USP47: variants seen among roughly 807,000 people sequenced by gnomAD.
USP47 encodes the protein ubiquitin carboxyl-terminal hydrolase 47.
USP47 carries 35 observed loss-of-function variants against 165.1 expected under a neutral mutation model. The ratio of observed to expected loss-of-function variants is 0.21; its 90% CI spans 0.16 to 0.28. The LOEUF (loss-of-function observed/expected upper bound fraction) is 0.28. Among genes scored for constraint, USP47 ranks in the 10% least tolerant of loss-of-function variants. The pLI is 1.00. For missense variants in USP47, 1,277 were observed against 1,607.4 expected, an observed-to-expected ratio of 0.79 and a Z score of 3.52; for synonymous variants, 531 against 544.5, an observed-to-expected ratio of 0.98 and a Z score of 0.35.
At chr11:11,867,199 C>CT (rs1442848570) in intron 1 of USP47, among the ~76,000 whole-genome samples, 1 of 152,130 alleles carries the variant, frequency 6.6e-6, no homozygotes, top group African/African-American at 2.4e-5. Context: ...GCCTGGCCCT[C>CT]TCTGACTACA....
At chr11:11,885,758 C>A (rs569529988) in intron 3 of USP47, among the ~76,000 whole-genome samples, 1 of 152,234 alleles carries the variant, frequency 6.6e-6, no homozygotes, top group Non-Finnish European at 1.5e-5. Context: ...CCCACTTCCA[C>A]AGCACCTCAC....
chr11:11,905,015 A>G (rs971759227), intron 7 of USP47, among the ~76,000 whole-genome samples: 1 of 151,974 alleles, frequency 6.6e-6, no homozygotes, highest in South Asian at 2.1e-4. Flanking sequence ...GCTTAAAGTG[A>G]TAGGTTAGGA....
At position 11,940,644 on chromosome 11, in the gene USP47, C is replaced by T. The variant is rs541083801; in HGVS notation, c.2313+96C>T. On this transcript the variant is annotated intron_variant, in intron 19 of 27. Transcript: ENST00000527733. The stretch of plus-strand genomic sequence containing the variant: ...AAGCCTGGCCTCCACAGCTGTTCAA[C>T]ATCTGTCTGGAACTTAATTTAAAAT... 40 of 1,328,324 alleles carry T rather than the reference C, an allele frequency of 3.0e-5. No homozygotes were observed. The African/African-American group carries it at 5.3e-4, about 18-fold the overall frequency. The allele number at this position is 1,328,324 out of a possible 1,614,324, so 82.3% of individuals were successfully genotyped here. A position where few individuals can be genotyped will look rare whatever the true frequency, so the allele number is the denominator to read the frequency against.
intron 8 of USP47, 148 bp downstream of exon 8, chr11:11,905,696 A>C (rs1002578867): frequency 2.8e-5 from 22 of 773,026 alleles, no homozygotes; most frequent in Middle Eastern, 6.5e-4. Flanking sequence ...AAGATCTAGA[A>C]GATTTTTGAC....
intron 10 of USP47, among the ~76,000 whole-genome samples, chr11:11,921,919 T>C (rs1199473707): frequency 6.6e-6 from 1 of 151,910 alleles, no homozygotes; most frequent in Non-Finnish European, 1.5e-5. Context: ...GAAGACTGTA[T>C]ATTAGATGTA....
intron 1 of USP47, among the ~76,000 whole-genome samples, chr11:11,864,835 G>C (rs1411928366): frequency 6.6e-6 from 1 of 151,786 alleles, no homozygotes; most frequent in Non-Finnish European, 1.5e-5. Context: ...TTTTAGGTTA[G>C]GTCTGCTGGC....
chr11:11,933,881 A>T lies in USP47; in HGVS notation c.1815A>T (p.Lys605Asn). The T allele has an allele frequency of 1.2e-6, 2 of 1,610,234 alleles. No individual in the cohort carries two copies. Among genetic ancestry groups the T allele is most frequent in the Non-Finnish European group, 1.7e-6 (2 of 1,177,490 alleles). ...HPTKQVMMEN[K>N]LEVHKDKTLK... ...CAAAACAAGTAATGATGGAAAATAA[A>T]TTGGAGGTTCATAAGGATAAGACAT... Residue 605 changes from lysine (K) to asparagine (N), a missense_variant, in exon 16 of 28, where the codon AAA becomes AAT. Physicochemically the swap from Lys to Asn is moderately conservative, Grantham distance 94. Transcript: ENST00000527733.
chr11:11,894,410 G>A (rs1224179058), intron 4 of USP47, among the ~76,000 whole-genome samples: 1 of 152,054 alleles, frequency 6.6e-6, no homozygotes, highest in Non-Finnish European at 1.5e-5. Flanking sequence ...CCGAAATTGA[G>A]CCACTGCACT....
At chr11:11,940,177 A>C (rs1159398067) in intron 18 of USP47, among the ~76,000 whole-genome samples, 1 of 152,020 alleles carries the variant, frequency 6.6e-6, no homozygotes, top group Non-Finnish European at 1.5e-5. Flanking sequence ...TCTAGGAAAA[A>C]ATCCTTACCT....
chr11:11,931,694 G>A (rs1440888960), intron 14 of USP47, among the ~76,000 whole-genome samples: 2 of 152,078 alleles, frequency 1.3e-5, no homozygotes, highest in African/African-American at 2.4e-5. Context: ...TTAAATTAGA[G>A]TTCTTTCCTA....
rs1848150559 is a variant in USP47 at position 11,842,071 on chromosome 11, TGGAGCGCAGGCGGC to T, written c.-110_-97del. 7.5e-7 allele frequency: 1 copy of T among 1,339,902 alleles called. No individual in the cohort carries two copies. Among genetic ancestry groups the T allele is most frequent in the East Asian group, 2.6e-5 (1 of 39,164 alleles). 83.0% of individuals were successfully genotyped at this position (1,339,902 alleles called of 1,614,324 possible). A position where few individuals can be genotyped will look rare whatever the true frequency, so the allele number is the denominator to read the frequency against. On this transcript the variant is annotated 5_prime_UTR_variant, in exon 1 of 28. Transcript: ENST00000527733. ...CCCAGGCTGAGGCCTCCGCTATTGCTGGAGCGCAGGCGGCGGAGAGGATGACTGCCGCTGCCATT... is the reference window on the plus strand; with the variant it reads ...CCCAGGCTGAGGCCTCCGCTATTGCTGGAGAGGATGACTGCCGCTGCCATT...
chr11:11,909,375 C>T (rs1411253662), intron 8 of USP47, among the ~76,000 whole-genome samples: 2 of 152,038 alleles, frequency 1.3e-5, no homozygotes, highest in African/African-American at 4.8e-5. Context: ...TTGCCAACCC[C>T]ATGTGAGAAT....
At chr11:11,906,476 A>G (rs900459463) in intron 8 of USP47, among the ~76,000 whole-genome samples, 4 of 152,154 alleles carry the variant, frequency 2.6e-5, no homozygotes, top group Non-Finnish European at 4.4e-5. Flanking sequence ...TCTGGCCTCT[A>G]GGATGATTGA....
Position 11,917,472 on chromosome 11 carries a change from C to G in USP47, c.970-2684C>G, listed in dbSNP as rs192352316. ...AAATACAAGGGTGGGAACACGGGAA[C>G]AGCAGAGTAGTATGTAATGTTACAT... On this transcript the variant is annotated intron_variant, in intron 8 of 27. Coordinates refer to ENST00000527733, the MANE Select transcript of USP47 (RefSeq NM_001282659.2). Among the ~76,000 whole-genome samples the G allele has an allele frequency of 1.5e-3, 232 of 152,148 alleles. 1 individual carries two copies. The highest frequency in any genetic ancestry group is 4.5e-3 in the African/African-American group (185 of 41,526).
At chr11:11,906,074 C>A (rs535611941) in intron 8 of USP47, among the ~76,000 whole-genome samples, 12 of 152,108 alleles carry the variant, frequency 7.9e-5, no homozygotes, top group African/African-American at 2.9e-4. Flanking sequence ...ACTGTAATCA[C>A]CTTAATTATT....
chr11:11,959,422 G>C lies in USP47; in HGVS notation c.*3247G>C, dbSNP rs969922176. On this transcript the variant is annotated 3_prime_UTR_variant, in exon 28 of 28. Transcript: ENST00000527733. ...TCCTGAAAGGCAAAACTCTGTGTAT[G>C]TGCGATTTACCAGGGAGATAGTAGG... is the stretch of plus-strand genomic sequence containing the variant. 1 of 152,170 alleles carries C rather than the reference G, an allele frequency of 6.6e-6. No individual in the cohort carries two copies. Among genetic ancestry groups the C allele is most frequent in the African/African-American group, 2.4e-5 (1 of 41,450 alleles). 9.4% of individuals were successfully genotyped at this position (152,170 alleles called of 1,614,324 possible).
At chr11:11,889,493 G>A (rs117405724) in intron 3 of USP47, among the ~76,000 whole-genome samples, 5 of 152,066 alleles carry the variant, frequency 3.3e-5, no homozygotes, top group African/African-American at 1.2e-4. Flanking sequence ...CAGGAATACA[G>A]CTAACAAGGA....
In USP47 at chr11:11,956,272, T is replaced by TTACCCC; in HGVS notation, c.*97_*98insTACCCC. The TTACCCC allele has an allele frequency of 7.2e-7, 1 of 1,386,224 alleles. No homozygotes were observed. Among genetic ancestry groups the TTACCCC allele is most frequent in the Non-Finnish European group, 1.0e-6 (1 of 997,440 alleles). The allele number at this position is 1,386,224 out of a possible 1,614,324, so 85.9% of individuals were successfully genotyped here. ...CCATTTTGGCCGGACATGGTTGGGG[T>TTACCCC]AACCCAGTGACACCAGCACTGATTG... On this transcript the variant is annotated 3_prime_UTR_variant, in exon 28 of 28. Transcript: ENST00000527733.
rs905159228 is a variant in USP47 at position 11,957,551 on chromosome 11, G to A, written c.*1376G>A. ...TTTTAGTCATTAAACTTCTGTGGAT[G>A]AAGAATCTGGGTTAAGAATAGATTT... On this transcript the variant is annotated 3_prime_UTR_variant, in exon 28 of 28. Coordinates refer to ENST00000527733, the MANE Select transcript of USP47 (RefSeq NM_001282659.2). 2 of 152,616 alleles carry A rather than the reference G, an allele frequency of 1.3e-5. No individual in the cohort carries two copies. The highest frequency in any genetic ancestry group is 4.8e-5 in the African/African-American group (2 of 41,446). 9.5% of individuals were successfully genotyped at this position (152,616 alleles called of 1,614,324 possible).
Sources: allele counts gnomAD v4.1 joint callset (sites outside exome capture counted in the v4.1 genomes callset), GRCh38; gene constraint gnomAD v4.1.1; transcripts MANE v1.5; gene names NCBI Gene and HGNC (gene_info 2026-07-23, HGNC 2026-07-21).